The following GABRA1 variants were observed in gnomAD, a reference collection of about 807,000 sequenced individuals.
GABRA1 encodes gamma-aminobutyric acid type A receptor subunit alpha1.
A neutral mutation model predicts 48.9 loss-of-function variants in GABRA1; 9 were observed. The observed-to-expected ratio is 0.18, with a 90% CI of 0.11 to 0.32. GABRA1 has a LOEUF of 0.32. GABRA1 is among the 10% of genes least tolerant of loss of function. The probability of loss-of-function intolerance (pLI) is 1.00; values close to 1 mark genes in which losing one functional copy is unlikely to be tolerated. For synonymous variants in GABRA1, 210 were observed against 198.7 expected, an observed-to-expected ratio of 1.06 and a Z score of -0.48; for missense variants, 285 against 553.8, an observed-to-expected ratio of 0.51 and a Z score of 4.87.
intron 8 of GABRA1, 88 bp downstream of exon 8, chr5:161,891,138 A>C: frequency 8.4e-7 from 1 of 1,193,194 alleles, no homozygotes; most frequent in East Asian, 2.3e-5. Flanking sequence ...AAATAAAAAA[A>C]AATATACACT....
chr5:161,892,359 A>G (rs921471216), intron 8 of GABRA1, among the ~76,000 whole-genome samples: 2 of 152,228 alleles, frequency 1.3e-5, no homozygotes, highest in African/African-American at 4.8e-5. Context: ...TATGTAGTGT[A>G]TGAAAAATCA....
At chr5:161,860,937 A>G (rs1297716846) in intron 3 of GABRA1, among the ~76,000 whole-genome samples, 1 of 151,802 alleles carries the variant, frequency 6.6e-6, no homozygotes, top group Non-Finnish European at 1.5e-5. Flanking sequence ...CCAATGTGGG[A>G]TTTTAACAAA....
At position 161,871,795 on chromosome 5, in the gene GABRA1, A is replaced by G. The variant is rs1405427513; in HGVS notation, c.256-1322A>G. ...GTCTTGTCTACAAAGACAGTCTGTC[A>G]CCGGATTACACCTCCTTGTTTCTAT... is the stretch of plus-strand genomic sequence containing the variant. On this transcript the variant is annotated intron_variant, in intron 4 of 9. Transcript: ENST00000393943. Among the ~76,000 whole-genome samples the G allele has an allele frequency of 2.0e-5, 3 of 152,192 alleles. No homozygotes were observed. The East Asian group carries it at 5.8e-4, about 29-fold the overall frequency.
intron 3 of GABRA1, among the ~76,000 whole-genome samples, chr5:161,859,901 A>G (rs1350230624): frequency 6.6e-6 from 1 of 151,766 alleles, no homozygotes; most frequent in Non-Finnish European, 1.5e-5. Context: ...TTACTTTACT[A>G]GAGAATAGCC....
chr5:161,874,266 C>CAAAAG (rs1337664647), intron 5 of GABRA1, among the ~76,000 whole-genome samples: 2 of 151,814 alleles, frequency 1.3e-5, no homozygotes, highest in Non-Finnish European at 2.9e-5. Context: ...TGCAAACATC[C>CAAAAG]AAAAGAAAAG....
rs1241530800 is a variant in GABRA1, at chr5:161,897,448, A to G, written c.*26A>G. 3 of 1,583,552 alleles carry G rather than the reference A, an allele frequency of 1.9e-6. No homozygotes were observed. The highest frequency in any genetic ancestry group is 3.3e-5 in the Admixed American group (2 of 59,986). ...ATCTTTTACTCACATTCTGTTGTTC[A>G]GTCCTCTGCACTGGGAATTTATTTA... On this transcript the variant is annotated 3_prime_UTR_variant, in exon 10 of 10. Coordinates refer to ENST00000393943, the MANE Select transcript of GABRA1 (RefSeq NM_001127644.2).
chr5:161,860,488 T>C (rs1162265545), intron 3 of GABRA1, among the ~76,000 whole-genome samples: 1 of 102,562 alleles, frequency 9.8e-6, no homozygotes, highest in Non-Finnish European at 2.0e-5. Flanking sequence ...GGTAGGGTAA[T>C]GGGGGGAGGG....
rs4144483 is a variant in GABRA1 at position 161,896,866 on chromosome 5, C to T, written c.1060-245C>T. Among the ~76,000 whole-genome samples the T allele has an allele frequency of 0.062, 9,460 of 152,174 alleles. 351 individuals carry two copies. The highest frequency in any genetic ancestry group is 0.12 in the South Asian group (568 of 4,824). The stretch of plus-strand genomic sequence containing the variant: ...AACAAATGCATTAGATAAGAAAATC[C>T]TCTGTAGTGGTAACATCTACCTTAT... On this transcript the variant is annotated intron_variant, in intron 9 of 9. Coordinates refer to ENST00000393943, the MANE Select transcript of GABRA1 (RefSeq NM_001127644.2).
chr5:161,852,094 G>C (rs1757467488), intron 2 of GABRA1, among the ~76,000 whole-genome samples: 1 of 152,002 alleles, frequency 6.6e-6, no homozygotes, highest in Admixed American at 6.6e-5. Flanking sequence ...TAGTAAGTTA[G>C]AAGTAAAGAT....
rs1411908166 is a variant in GABRA1, at chr5:161,864,130, T to A, written c.188-1591T>A. 1.3e-5 allele frequency among the ~76,000 whole-genome samples: 2 copies of A among 152,062 alleles called. 1 individual carries two copies. Among genetic ancestry groups the A allele is most frequent in the East Asian group, 3.9e-4 (2 of 5,182 alleles). On this transcript the variant is annotated intron_variant, in intron 3 of 9. Coordinates refer to ENST00000393943, the MANE Select transcript of GABRA1 (RefSeq NM_001127644.2). ...CATAAGCTATGTTCTCATTTTGAGC[T>A]TTTAAAAGGGTAAACTGCAGATAAT...
chr5:161,851,138 C>T (rs933084017), intron 2 of GABRA1, among the ~76,000 whole-genome samples: 10 of 152,156 alleles, frequency 6.6e-5, no homozygotes, highest in African/African-American at 2.4e-4. Context: ...GATTGAACTT[C>T]TCACTGTTCA....
Position 161,899,166 on chromosome 5 carries a change from A to T in GABRA1, c.*1744A>T, listed in dbSNP as rs1755506210. 6.6e-6 allele frequency: 1 copy of T among 152,602 alleles called. No individual in the cohort carries two copies. Among genetic ancestry groups the T allele is most frequent in the South Asian group, 2.1e-4 (1 of 4,830 alleles). 9.5% of individuals were successfully genotyped at this position (152,602 alleles called of 1,614,324 possible). On this transcript the variant is annotated 3_prime_UTR_variant, in exon 10 of 10. Transcript: ENST00000393943. Reference sequence around the variant, plus strand: ...TCTGTTAGCATTATTGCCAAATAAGACAGTTGGGATCCAAACCCAAGTCTT... The same window carrying T: ...TCTGTTAGCATTATTGCCAAATAAGTCAGTTGGGATCCAAACCCAAGTCTT...
At chr5:161,853,236 T>C (rs1052946697) in intron 2 of GABRA1, among the ~76,000 whole-genome samples, 20 of 151,864 alleles carry the variant, frequency 1.3e-4, no homozygotes, top group African/African-American at 4.6e-4. Flanking sequence ...AAATACACAA[T>C]TTTTGAACTG....
chr5:161,884,722 A>T (rs141651761), intron 7 of GABRA1, among the ~76,000 whole-genome samples: 1 of 152,286 alleles, frequency 6.6e-6, no homozygotes, highest in Non-Finnish European at 1.5e-5. Context: ...GAATGTTGGG[A>T]AACAAATCAA....
rs926530666 is a variant in GABRA1 at position 161,898,898 on chromosome 5, A to G, written c.*1476A>G. On this transcript the variant is annotated 3_prime_UTR_variant, in exon 10 of 10. Transcript: ENST00000393943. Reference sequence around the variant, plus strand: ...TATTGAGTAATATTACATTTCATTTATACTGTAGCAATATATTTGTAGGTA... The same window carrying G: ...TATTGAGTAATATTACATTTCATTTGTACTGTAGCAATATATTTGTAGGTA... 1.3e-5 allele frequency: 2 copies of G among 152,586 alleles called. No homozygotes were observed. Among genetic ancestry groups the G allele is most frequent in the Non-Finnish European group, 2.9e-5 (2 of 67,986 alleles). 9.5% of individuals were successfully genotyped at this position (152,586 alleles called of 1,614,324 possible).
At chr5:161,860,518 G>A (rs1048346161) in intron 3 of GABRA1, among the ~76,000 whole-genome samples, 2 of 151,682 alleles carry the variant, frequency 1.3e-5, no homozygotes, top group East Asian at 3.9e-4. Flanking sequence ...TGGTTAATGG[G>A]TACAAAAGAA....
In GABRA1 at chr5:161,854,269, A is replaced by C; in HGVS notation, c.186A>C (p.Gly62=). The change falls in exon 3 of 10, where the codon GGA becomes GGC. Residue 62 remains glycine, a splice_region_variant and synonymous_variant. Coordinates refer to ENST00000393943, the MANE Select transcript of GABRA1 (RefSeq NM_001127644.2). Reference sequence around the variant, plus strand: ...ACAATCGCCTGAGACCAGGATTGGGAGGTAGGTTGCATTATTGTATTTTTG... The same window carrying C: ...ACAATCGCCTGAGACCAGGATTGGGCGGTAGGTTGCATTATTGTATTTTTG... ...GYDNRLRPGL[G]ERVTEVKTDI... 6.6e-7 allele frequency: 1 copy of C among 1,507,402 alleles called. No homozygotes were observed. The highest frequency in any genetic ancestry group is 9.2e-7 in the Non-Finnish European group (1 of 1,082,868). 93.4% of individuals were successfully genotyped at this position (1,507,402 alleles called of 1,614,324 possible).
intron 6 of GABRA1, 141 bp from the exon 7 acceptor site, chr5:161,882,417 A>T: frequency 1.3e-6 from 1 of 759,356 alleles, no homozygotes; most frequent in Non-Finnish European, 2.2e-6. Context: ...GTTTTTGTAA[A>T]TTAAGGGACA....
chr5:161,853,387 C>T (rs1332657586), intron 2 of GABRA1, among the ~76,000 whole-genome samples: 2 of 151,816 alleles, frequency 1.3e-5, no homozygotes, highest in African/African-American at 4.8e-5. Context: ...TTGAAGAAAG[C>T]TAGGTTCTAG....
Sources: gnomAD v4.1 joint callset for allele counts (sites outside exome capture counted in the v4.1 genomes callset) on GRCh38, gnomAD v4.1.1 for gene constraint, MANE v1.5 for transcripts, NCBI Gene and HGNC (gene_info 2026-07-23, HGNC 2026-07-21) for gene names.